CFAP74: variants seen among roughly 807,000 people sequenced by gnomAD.
CFAP74 encodes the protein cilia- and flagella-associated protein 74.
A neutral mutation model predicts 188.9 loss-of-function variants in CFAP74; 124 were observed. The observed-to-expected ratio is 0.66, with a 90% CI of 0.57 to 0.76. The LOEUF is 0.76. Among genes scored for constraint, CFAP74 ranks in the 30% least tolerant of loss-of-function variants. The pLI is 0.00. For synonymous variants in CFAP74, 956 were observed against 916.7 expected, an observed-to-expected ratio of 1.04 and a Z score of -0.77; for missense variants, 2,198 against 2,165.2, an observed-to-expected ratio of 1.02 and a Z score of -0.30.
chr1:1,922,801 C>A, intron 37 of CFAP74, 78 bp from the exon 38 acceptor site: 1 of 1,520,230 alleles, frequency 6.6e-7, no homozygotes, highest in South Asian at 1.3e-5. Context: ...TGAGGGTGCC[C>A]AGCTCCACTC....
At chr1:1,978,756 T>C (rs1413114663) in intron 6 of CFAP74, among the ~76,000 whole-genome samples, 3 of 152,224 alleles carry the variant, frequency 2.0e-5, no homozygotes, top group Non-Finnish European at 4.4e-5. Flanking sequence ...CGCGTCCTGC[T>C]GAGCTGTTAG....
chr1:1,927,140 T>A, intron 28 of CFAP74, 112 bp from the exon 29 acceptor site: 1 of 1,290,990 alleles, frequency 7.7e-7, no homozygotes, highest in Non-Finnish European at 1.1e-6. Context: ...TCCCAAGCTG[T>A]GGCTGTCCCA....
intron 25 of CFAP74, among the ~76,000 whole-genome samples, chr1:1,934,573 G>A (rs1475665164): frequency 3.3e-5 from 5 of 151,282 alleles, no homozygotes; most frequent in Admixed American, 6.6e-5. Flanking sequence ...ACGTGTGTAC[G>A]TGGGTGTTAG....
chr1:1,994,375 C>T (rs1375086040), intron 1 of CFAP74, among the ~76,000 whole-genome samples: 2 of 152,114 alleles, frequency 1.3e-5, no homozygotes, highest in Non-Finnish European at 2.9e-5. Flanking sequence ...TTAGCAATCG[C>T]TTCAGAATAA....
intron 18 of CFAP74, chr1:1,954,861 G>C (rs1654435487): frequency 8.7e-7 from 1 of 1,152,910 alleles, no homozygotes; most frequent in East Asian, 7.4e-5. Context: ...GCCCCAGCCA[G>C]GTGCCCTGTG....
rs2803336 is a variant in CFAP74 at position 1,944,419 on chromosome 1, C to G, written c.2398G>C (p.Val800Leu). Residue 800 changes from valine to leucine, a missense_variant, in exon 21 of 39, where the codon GTG (valine) becomes CTG (leucine). By Grantham distance (32) the Val-to-Leu change is conservative (BLOSUM62 1). Transcript: ENST00000682832. ...CTGGGCTTCGGCACCCAGACCGGCA[C>G]ATCGATGGCCACGCCCACGACCCTG... is the stretch of plus-strand genomic sequence containing the variant. ...HFRVVGVAID[V>L]PVWVPKPSVD... 731,748 of 1,535,146 alleles carry G rather than the reference C, an allele frequency of 0.48. 179,864 individuals are homozygous for G. Among genetic ancestry groups the G allele is most frequent in the Admixed American group, 0.55 (28,136 of 50,946 alleles).
In CFAP74 at chr1:1,956,823, C is replaced by T. The variant is rs367613096; in HGVS notation, c.1852-39G>A. On this transcript the variant is annotated intron_variant, in intron 16 of 38. Transcript: ENST00000682832. Reference sequence around the variant, plus strand: ...TGGAGTGAACTCAGGGCCACCGTGCCAGGCCCACAGGGTGCCCAGCGTGAG... The same window carrying T: ...TGGAGTGAACTCAGGGCCACCGTGCTAGGCCCACAGGGTGCCCAGCGTGAG... 2.4e-4 allele frequency: 381 copies of T among 1,597,126 alleles called. 1 individual carries two copies. In the Middle Eastern group the frequency reaches 7.6e-3, roughly 32 times the overall value.
Position 1,988,439 on chromosome 1 carries a change from C to A in CFAP74, c.296+73G>T, listed in dbSNP as rs1474752438. ...CAGGGTGACGACAGGTACAGGACCA[C>A]CCCTGCTGCACCCATGTCACGGCCT... On this transcript the variant is annotated intron_variant, in intron 4 of 38. Transcript: ENST00000682832. The A allele has an allele frequency of 3.8e-6, 6 of 1,579,126 alleles. No individual in the cohort carries two copies. The Admixed American group carries it at 1.0e-4, about 26-fold the overall frequency.
At chr1:2,000,401 C>G (rs1658149900) in intron 1 of CFAP74, among the ~76,000 whole-genome samples, 1 of 152,198 alleles carries the variant, frequency 6.6e-6, no homozygotes, top group African/African-American at 2.4e-5. Flanking sequence ...GGGAGATCAT[C>G]CTGCCTATGG....
rs369449721 is a variant in CFAP74, at chr1:1,965,046, C to T, written c.1417G>A (p.Val473Met). The change falls in exon 13 of 39, where the codon GTG (valine) becomes ATG (methionine). Residue 473 changes from valine (V) to methionine (M), a missense_variant. By Grantham distance (21) the Val-to-Met change is conservative. Coordinates refer to ENST00000682832, the MANE Select transcript of CFAP74 (RefSeq NM_001304360.2). ...YKPYQVPKED[V>M]DRKPVGGTKM... ...GTCCCGCCCACGGGCTTTCGGTCCA[C>T]GTCCTCCTTGGGCACCTGGGGGTCA... 1.1e-5 allele frequency: 18 copies of T among 1,612,920 alleles called. 1 individual carries two copies. In the Middle Eastern group the frequency reaches 5.0e-4, roughly 44 times the overall value.
chr1:1,969,446 TCCTGCCCAGCCCTGC>T (rs1655764934), intron 10 of CFAP74, among the ~76,000 whole-genome samples: 2 of 62,196 alleles, frequency 3.2e-5, no homozygotes, highest in Non-Finnish European at 6.5e-5. Flanking sequence ...CCAAGTCCAG[TCCTGCCCAGCCCTGC>T]CCAGCCCAGC....
At chr1:1,939,197 C>A (rs917001020) in intron 24 of CFAP74, among the ~76,000 whole-genome samples, 5 of 152,182 alleles carry the variant, frequency 3.3e-5, no homozygotes, top group African/African-American at 1.2e-4. Flanking sequence ...TGAGCATGTG[C>A]ATGTGTGTGC....
Position 1,923,619 on chromosome 1 carries a change from G to A in CFAP74, c.4390-120C>T. The A allele has an allele frequency of 1.3e-6, 2 of 1,517,372 alleles. No individual in the cohort carries two copies. The highest frequency in any genetic ancestry group is 1.8e-6 in the Non-Finnish European group (2 of 1,119,190). The allele number at this position is 1,517,372 out of a possible 1,614,324, so 94.0% of individuals were successfully genotyped here. A position where few individuals can be genotyped will look rare whatever the true frequency, so the allele number is the denominator to read the frequency against. Reference sequence around the variant, plus strand: ...CGGCCTGGGGGCCCCGTGGGGCCCTGGACTCTGGTCTTTCCACTGACGGCC... The same window carrying A: ...CGGCCTGGGGGCCCCGTGGGGCCCTAGACTCTGGTCTTTCCACTGACGGCC... On this transcript the variant is annotated intron_variant, in intron 35 of 38. Coordinates refer to ENST00000682832, the MANE Select transcript of CFAP74 (RefSeq NM_001304360.2). This position sits in a 1 kb window ranked among gnomAD's most constrained non-coding sequence, Gnocchi z 6.3.
In CFAP74 at chr1:1,968,370, C is replaced by A. The variant is rs1655629866; in HGVS notation, c.1245+265G>T. On this transcript the variant is annotated intron_variant, in intron 11 of 38. Transcript: ENST00000682832. The surrounding 1 kb of genome is among the most constrained non-coding windows in gnomAD (Gnocchi z 4.3). ...AACACTGCTGGGGGTGACGCAGGGT[C>A]TGGTGGGCACACCGAGACCAGGAGG... Among the ~76,000 whole-genome samples the A allele has an allele frequency of 6.6e-6, 1 of 152,014 alleles. No individual in the cohort carries two copies. Among genetic ancestry groups the A allele is most frequent in the Non-Finnish European group, 1.5e-5 (1 of 67,984 alleles).
At chr1:1,996,860 G>C (rs1041231386) in intron 1 of CFAP74, among the ~76,000 whole-genome samples, 1 of 147,140 alleles carries the variant, frequency 6.8e-6, no homozygotes, top group Admixed American at 6.9e-5. Context: ...GGTGGAGGTT[G>C]CAGTGAGCCA....
chr1:1,925,399 C>T (rs927833517), intron 33 of CFAP74, among the ~76,000 whole-genome samples: 1 of 152,160 alleles, frequency 6.6e-6, no homozygotes, highest in Non-Finnish European at 1.5e-5. Context: ...GGCAGTGCGG[C>T]TCACTGCAGA....
At chr1:1,971,268 T>C in intron 9 of CFAP74, among the ~76,000 whole-genome samples, 1 of 133,014 alleles carries the variant, frequency 7.5e-6, no homozygotes, top group Admixed American at 7.3e-5. Flanking sequence ...TGCACACACA[T>C]GCAAACCTGC....
rs369001981 is a variant in CFAP74 at position 1,968,726 on chromosome 1, G to A, written c.1154C>T (p.Ala385Val). 4.8e-5 allele frequency: 77 copies of A among 1,613,970 alleles called. No individual in the cohort carries two copies. In the African/African-American group the frequency reaches 7.6e-4, roughly 16 times the overall value. ...GTCCCTCAGGGTCAGCCGGTGCCTG[G>A]CACTGGTGGGGGGATGCTGTTTCTT... ...KRKKQHPPTSARHRLTLRDKT... is the reference protein window; with the variant it reads ...KRKKQHPPTSVRHRLTLRDKT... The change falls in exon 11 of 39, where the codon GCC becomes GTC. Residue 385 changes from alanine (A) to valine (V), a missense_variant. Coordinates refer to ENST00000682832, the MANE Select transcript of CFAP74 (RefSeq NM_001304360.2). The surrounding 1 kb of genome is among the most constrained non-coding windows in gnomAD (Gnocchi z 4.3).
Position 1,946,454 on chromosome 1 carries a change from A to G in CFAP74, c.2242-15T>C, listed in dbSNP as rs1653783620. The G allele has an allele frequency of 1.3e-6, 2 of 1,528,484 alleles. No homozygotes were observed. Among genetic ancestry groups the G allele is most frequent in the Admixed American group, 2.0e-5 (1 of 49,752 alleles). 94.7% of individuals were successfully genotyped at this position (1,528,484 alleles called of 1,614,324 possible). ...CCTTCTGTTACCTGCACAGGAAGAG[A>G]TGCCATGGGGTCTGCCAGGCTTCAT... On this transcript the variant is annotated splice_polypyrimidine_tract_variant and intron_variant, in intron 19 of 38. Coordinates refer to ENST00000682832, the MANE Select transcript of CFAP74 (RefSeq NM_001304360.2).
Sources: allele counts gnomAD v4.1 joint callset (sites outside exome capture counted in the v4.1 genomes callset), GRCh38; gene constraint gnomAD v4.1.1; non-coding constraint Gnocchi (gnomAD v3.1); transcripts MANE v1.5; gene names NCBI Gene and HGNC (gene_info 2026-07-23, HGNC 2026-07-21).